The following SDCCAG8 variants were observed in gnomAD, a reference collection of about 807,000 sequenced individuals.
The protein encoded by SDCCAG8 is SHH signaling and ciliogenesis regulator SDCCAG8.
Under a neutral mutation model 101.8 loss-of-function variants are expected in SDCCAG8, and 74 were observed. That is an observed-to-expected ratio of 0.73 (90% confidence interval 0.60 to 0.88). SDCCAG8 has a LOEUF of 0.88. Among genes scored for constraint, SDCCAG8 ranks in the 40% least tolerant of loss-of-function variants. The probability of loss-of-function intolerance (pLI) is 0.00; values close to 1 mark genes in which losing one functional copy is unlikely to be tolerated. For synonymous variants in SDCCAG8, 281 were observed against 292.9 expected (o/e 0.96, Z 0.41); for missense variants, 787 against 822.6 (o/e 0.96, Z 0.53).
At position 243,415,744 on chromosome 1, in the gene SDCCAG8, A is replaced by C; in HGVS notation, c.1659A>C (p.Ala553=). The part of the protein sequence containing the change: ...DSIQQSFSKE[A]KAQALQAQQR... ...TTCAGCAGAGCTTTAGCAAGGAAGC[A>C]AAGGCCCAAGCCCTTCAGGCCCAGC... The change falls in exon 14 of 18, where the codon GCA becomes GCC. Residue 553 remains alanine, a synonymous_variant. Transcript: ENST00000366541. 6.2e-7 allele frequency: 1 copy of C among 1,613,900 alleles called. No individual in the cohort carries two copies. Among genetic ancestry groups the C allele is most frequent in the Non-Finnish European group, 8.5e-7 (1 of 1,179,828 alleles).
At chr1:243,444,242 T>G (rs1173181687) in intron 16 of SDCCAG8, among the ~76,000 whole-genome samples, 1 of 152,208 alleles carries the variant, frequency 6.6e-6, no homozygotes, top group African/African-American at 2.4e-5. Context: ...AATTTTCTTT[T>G]TATCTAGAAA....
intron 16 of SDCCAG8, among the ~76,000 whole-genome samples, chr1:243,478,014 T>C (rs1169315123): frequency 6.6e-6 from 1 of 152,218 alleles, no homozygotes; most frequent in African/African-American, 2.4e-5. Flanking sequence ...GATTGGAAAT[T>C]TTAAAAGAAT....
chr1:243,293,477 A>G (rs1325269086), intron 6 of SDCCAG8: 1 of 604,096 alleles, frequency 1.7e-6, no homozygotes, highest in Non-Finnish European at 3.1e-6. Context: ...ACCCCTGATG[A>G]CCTCTCTTCA....
intron 2 of SDCCAG8, 73 bp downstream of exon 2, chr1:243,270,330 A>C: frequency 3.8e-6 from 5 of 1,310,174 alleles, no homozygotes; most frequent in Non-Finnish European, 4.4e-6. Flanking sequence ...TAATAACTCC[A>C]TTCATTCTTC....
chr1:243,318,093 C>T (rs991242866), intron 9 of SDCCAG8: 23 of 456,116 alleles, frequency 5.0e-5, no homozygotes, highest in African/African-American at 2.4e-4. Context: ...CCGAAATTGA[C>T]GGAATCAATC....
At chr1:243,386,791 A>AG (rs1558395246) in intron 13 of SDCCAG8, among the ~76,000 whole-genome samples, 14 of 139,836 alleles carry the variant, frequency 1.0e-4, no homozygotes, top group African/African-American at 3.9e-4. Flanking sequence ...GAGAGAGAGA[A>AG]AGAAAGAAAG....
chr1:243,296,483 C>T (rs2070889937), intron 6 of SDCCAG8, among the ~76,000 whole-genome samples: 1 of 148,104 alleles, frequency 6.8e-6, no homozygotes, highest in Admixed American at 6.8e-5. Flanking sequence ...CCTATTCTTG[C>T]TTCAGTATGC....
chr1:243,485,846 A>G (rs1432936097), intron 16 of SDCCAG8, among the ~76,000 whole-genome samples: 2 of 149,598 alleles, frequency 1.3e-5, no homozygotes, highest in South Asian at 4.2e-4. Flanking sequence ...GAGCTGACAT[A>G]GCACCGCTGC....
At chr1:243,457,424 C>T (rs915250231) in intron 16 of SDCCAG8, among the ~76,000 whole-genome samples, 5 of 152,028 alleles carry the variant, frequency 3.3e-5, no homozygotes, top group African/African-American at 1.2e-4. Flanking sequence ...TTATAGGAGC[C>T]CTGTAGAAAA....
chr1:243,438,129 T>TG (rs2082271422), intron 16 of SDCCAG8, among the ~76,000 whole-genome samples: 1 of 152,104 alleles, frequency 6.6e-6, no homozygotes, highest in Non-Finnish European at 1.5e-5. Context: ...AAGCTGCTCG[T>TG]GGGTTTTTTT....
At chr1:243,457,096 G>A (rs975566820) in intron 16 of SDCCAG8, among the ~76,000 whole-genome samples, 1 of 152,168 alleles carries the variant, frequency 6.6e-6, no homozygotes, top group African/African-American at 2.4e-5. Flanking sequence ...AATGCTTTCT[G>A]AGGAATCAAC....
chr1:243,405,411 CT>C (rs2079701862), intron 13 of SDCCAG8, among the ~76,000 whole-genome samples: 1 of 152,146 alleles, frequency 6.6e-6, no homozygotes, highest in African/African-American at 2.4e-5. Context: ...GACCAGTATG[CT>C]TTTGGTTCTT....
intron 8 of SDCCAG8, among the ~76,000 whole-genome samples, chr1:243,310,309 T>G (rs1046533718): frequency 6.6e-6 from 1 of 152,190 alleles, no homozygotes; most frequent in African/African-American, 2.4e-5. Flanking sequence ...AAAAATGTAG[T>G]AAACATTTAT....
intron 15 of SDCCAG8, among the ~76,000 whole-genome samples, chr1:243,425,817 C>A (rs2148041099): frequency 6.6e-6 from 1 of 152,204 alleles, no homozygotes; most frequent in Non-Finnish European, 1.5e-5. Context: ...TCTATTAAGA[C>A]CTTCAGTGGA....
intron 4 of SDCCAG8, among the ~76,000 whole-genome samples, chr1:243,276,900 T>C (rs544982981): frequency 2.8e-4 from 42 of 152,314 alleles, no homozygotes; most frequent in African/African-American, 9.6e-4. Flanking sequence ...AATTATTCTG[T>C]ATATAGCCTT....
intron 16 of SDCCAG8, among the ~76,000 whole-genome samples, chr1:243,435,239 G>A (rs2082056542): frequency 6.6e-6 from 1 of 152,178 alleles, no homozygotes; most frequent in South Asian, 2.1e-4. Flanking sequence ...AGTTCTCTGG[G>A]CTTTCCTCAG....
intron 17 of SDCCAG8, among the ~76,000 whole-genome samples, chr1:243,498,073 C>T (rs964446307): frequency 1.3e-5 from 2 of 152,204 alleles, no homozygotes; most frequent in Non-Finnish European, 2.9e-5. Flanking sequence ...GCCACTGTGT[C>T]AAGAGCGAGG....
chr1:243,447,676 T>C (rs1043171204), intron 16 of SDCCAG8, among the ~76,000 whole-genome samples: 1 of 152,258 alleles, frequency 6.6e-6, no homozygotes, highest in Non-Finnish European at 1.5e-5. Flanking sequence ...TTTTGGAACA[T>C]ACTGCATAAA....
chr1:243,497,578 G>T (rs1436505129), intron 17 of SDCCAG8, among the ~76,000 whole-genome samples: 2 of 152,018 alleles, frequency 1.3e-5, no homozygotes, highest in Non-Finnish European at 2.9e-5. Context: ...AGCTCCGATA[G>T]TGATAAATTG....
Sources: allele counts gnomAD v4.1 joint callset (sites outside exome capture counted in the v4.1 genomes callset), GRCh38; gene constraint gnomAD v4.1.1; transcripts MANE v1.5; gene names NCBI Gene and HGNC (gene_info 2026-07-23, HGNC 2026-07-21).